ARV1: variants seen among roughly 807,000 people sequenced by gnomAD.
ARV1 encodes the protein protein ARV1.
In ARV1, 26 loss-of-function variants were observed where a neutral mutation model predicts 31.1. The observed-to-expected ratio is 0.84, with a 90% confidence interval of 0.61 to 1.16. The LOEUF (loss-of-function observed/expected upper bound fraction) is 1.16. Ranked by LOEUF, ARV1 falls within the 50% of genes most tolerant of loss-of-function variation. ARV1 has a pLI of 0.00. For synonymous variants in ARV1, 117 were observed against 123.2 expected (o/e 0.95, Z 0.34); for missense variants, 281 against 324.9 (o/e 0.86, Z 1.04).
chr1:230,987,766 C>A (rs1208554946), intron 1 of ARV1, among the ~76,000 whole-genome samples: 1 of 152,170 alleles, frequency 6.6e-6, no homozygotes, highest in African/African-American at 2.4e-5. Flanking sequence ...ACCCAGGCTT[C>A]CCCTGTTACC....
chr1:230,984,781 G>C (rs1558241825), intron 1 of ARV1, among the ~76,000 whole-genome samples: 2 of 152,328 alleles, frequency 1.3e-5, no homozygotes, highest in Admixed American at 6.5e-5. Flanking sequence ...AACGGTACCA[G>C]GTGCAAGGTT....
intron 5 of ARV1, among the ~76,000 whole-genome samples, chr1:230,998,745 GA>G (rs75089395): frequency 0.024 from 3,320 of 135,548 alleles, 58 homozygotes; most frequent in African/African-American, 0.041. Context: ...ATCTTTACAG[GA>G]AAAAAAAAAA....
chr1:230,986,542 C>T (rs988303007), intron 1 of ARV1, among the ~76,000 whole-genome samples: 1 of 152,070 alleles, frequency 6.6e-6, no homozygotes, highest in African/African-American at 2.4e-5. Flanking sequence ...TCCCCGTTCT[C>T]TTTGGGGTAT....
chr1:230,992,634 TTGAA>T (rs1679259813), intron 3 of ARV1, among the ~76,000 whole-genome samples: 1 of 152,230 alleles, frequency 6.6e-6, no homozygotes, highest in African/African-American at 2.4e-5. Context: ...GCTCAGCTGA[TTGAA>T]TGAATGATTG....
chr1:230,993,120 T>G (rs2103053515), intron 3 of ARV1, among the ~76,000 whole-genome samples: 1 of 152,330 alleles, frequency 6.6e-6, no homozygotes, highest in Middle Eastern at 3.4e-3. Context: ...AGTGAAGGTC[T>G]TGCTCTGTCA....
rs754195455 is a variant in ARV1 at position 230,979,122 on chromosome 1, G to A, written c.17G>A (p.Arg6Gln). Reference protein sequence around the residue: MGNGGRSGLQQGKGNV... With the variant: MGNGGQSGLQQGKGNV... ...TGAGTGGAAATGGGCAACGGCGGGC[G>A]GAGCGGCCTGCAGCAGGGGAAGGGG... Residue 6 changes from arginine (R) to glutamine (Q), a missense_variant, in exon 1 of 6, where the codon CGG (arginine) becomes CAG (glutamine). Physicochemically the swap from Arg to Gln is conservative, Grantham distance 43 (BLOSUM62 1). Transcript: ENST00000310256. 7 of 1,599,506 alleles carry A rather than the reference G, an allele frequency of 4.4e-6. No individual in the cohort carries two copies. Among genetic ancestry groups the A allele is most frequent in the Admixed American group, 1.7e-5 (1 of 58,768 alleles).
chr1:230,993,890 G>C (rs538197686), intron 3 of ARV1, among the ~76,000 whole-genome samples: 6 of 152,282 alleles, frequency 3.9e-5, no homozygotes, highest in African/African-American at 1.2e-4. Flanking sequence ...GACAGACTCT[G>C]TCTCAAAAAA....
chr1:230,984,361 T>TGTGTGTGTGTGC (rs10628275), intron 1 of ARV1, among the ~76,000 whole-genome samples: 2,816 of 103,322 alleles, frequency 0.027, 53 homozygotes, highest in South Asian at 0.097. Flanking sequence ...TGTGTGTGTG[T>TGTGTGTGTGTGC]GCGTGTGTGT....
intron 1 of ARV1, among the ~76,000 whole-genome samples, chr1:230,984,359 T>TGTGTGTGTGTGTGAGC (rs71179756): frequency 1.1e-5 from 1 of 93,450 alleles, no homozygotes; most frequent in Non-Finnish European, 2.2e-5. Context: ...TGTGTGTGTG[T>TGTGTGTGTGTGTGAGC]GTGCGTGTGT....
chr1:230,986,496 A>G (rs1410633107), intron 1 of ARV1, among the ~76,000 whole-genome samples: 1 of 151,992 alleles, frequency 6.6e-6, no homozygotes, highest in Non-Finnish European at 1.5e-5. Context: ...CAGAGTTTCC[A>G]AATGTTATGC....
chr1:230,979,241 C>G lies in ARV1; in HGVS notation c.136C>G (p.Arg46Gly). Residue 46 changes from arginine to glycine, a missense_variant, in exon 1 of 6, where the codon CGA becomes GGA. Physicochemically the swap from Arg to Gly is moderately radical, Grantham distance 125. Transcript: ENST00000310256. ...ECNQEAKELY[R>G]DYNHGVLKIT... is the part of the protein sequence containing the mutation. ...CAACCAGGAGGCCAAAGAGTTGTAC[C>G]GAGACTATAACCACGGTGTGCTGAA... is the stretch of plus-strand genomic sequence containing the variant. 3 of 1,613,310 alleles carry G rather than the reference C, an allele frequency of 1.9e-6. No individual in the cohort carries two copies. The highest frequency in any genetic ancestry group is 2.2e-5 in the East Asian group (1 of 44,810).
intron 1 of ARV1, among the ~76,000 whole-genome samples, chr1:230,982,144 C>T (rs1286709252): frequency 2.6e-5 from 4 of 152,210 alleles, no homozygotes; most frequent in Non-Finnish European, 4.4e-5. Flanking sequence ...CCCAGAACAG[C>T]GACTGACATT....
chr1:230,982,596 T>C (rs749607218), intron 1 of ARV1, among the ~76,000 whole-genome samples: 4 of 152,238 alleles, frequency 2.6e-5, no homozygotes, highest in Non-Finnish European at 1.5e-5. Flanking sequence ...GAATATTGAA[T>C]GGTGGCACAG....
intron 1 of ARV1, chr1:230,979,601 C>T (rs1678772582): frequency 3.1e-6 from 1 of 325,396 alleles, no homozygotes; most frequent in South Asian, 2.9e-5. Context: ...TTCCTTCTAG[C>T]TCTTCTCCCT....
chr1:230,995,650 C>A, intron 3 of ARV1, 110 bp from the exon 4 acceptor site: 3 of 751,598 alleles, frequency 4.0e-6, no homozygotes, highest in Non-Finnish European at 6.2e-6. Context: ...GAAAGTATTT[C>A]TTATGAAGTC....
At chr1:230,994,120 A>G (rs1000910969) in intron 3 of ARV1, among the ~76,000 whole-genome samples, 1 of 152,188 alleles carries the variant, frequency 6.6e-6, no homozygotes, top group African/African-American at 2.4e-5. Flanking sequence ...TGTTTTCCAC[A>G]CTGGAGTATT....
rs779420906 is a variant in ARV1 at position 230,995,982 on chromosome 1, G to C, written c.671G>C (p.Arg224Thr). 5.0e-6 allele frequency: 8 copies of C among 1,611,580 alleles called. No individual in the cohort carries two copies. In the South Asian group the frequency reaches 8.8e-5, roughly 18 times the overall value. Residue 224 changes from arginine to threonine, a missense_variant and splice_region_variant, in exon 4 of 6, where the codon AGA becomes ACA. Coordinates refer to ENST00000310256, the MANE Select transcript of ARV1 (RefSeq NM_022786.3). ...FVLTSNFQAI[R>T]VTLNINRKLS... Reference sequence around the variant, plus strand: ...CTTACATCAAATTTTCAGGCAATTAGAGGTATGTTTATGTGTTTATTCTGC... The same window carrying C: ...CTTACATCAAATTTTCAGGCAATTACAGGTATGTTTATGTGTTTATTCTGC...
At chr1:230,983,807 A>G (rs1454527526) in intron 1 of ARV1, among the ~76,000 whole-genome samples, 1 of 152,270 alleles carries the variant, frequency 6.6e-6, no homozygotes, top group African/African-American at 2.4e-5. Context: ...TGATGGAAGC[A>G]GCCTGAATTC....
chr1:230,985,131 A>G (rs1016519134), intron 1 of ARV1, among the ~76,000 whole-genome samples: 1 of 152,240 alleles, frequency 6.6e-6, no homozygotes, highest in Non-Finnish European at 1.5e-5. Flanking sequence ...GAGTTAGAGT[A>G]AAAACAAGGT....
Sources: allele counts gnomAD v4.1 joint callset (sites outside exome capture counted in the v4.1 genomes callset), GRCh38; gene constraint gnomAD v4.1.1; transcripts MANE v1.5; gene names NCBI Gene and HGNC (gene_info 2026-07-23, HGNC 2026-07-21).